The following RFC3 variants were observed in gnomAD, a reference collection of about 807,000 sequenced individuals.
The protein encoded by RFC3 is replication factor C subunit 3.
Under a neutral mutation model 45.1 loss-of-function variants are expected in RFC3, and 41 were observed. The ratio of observed to expected loss-of-function variants is 0.91; its 90% confidence interval spans 0.71 to 1.18. The LOEUF is 1.18. Among genes scored for constraint, RFC3 ranks in the 50% most tolerant of loss-of-function variants. The pLI is 0.00. For missense variants in RFC3, 423 were observed against 428.1 expected (o/e 0.99, Z 0.10); for synonymous variants, 149 against 144.0 (o/e 1.03, Z -0.25).
rs746482817 is a variant in RFC3 at position 33,961,887 on chromosome 13, C to A, written c.880-4200C>A. Among the ~76,000 whole-genome samples the A allele has an allele frequency of 1.4e-4, 21 of 152,148 alleles. 1 individual carries two copies. The highest frequency in any genetic ancestry group is 2.9e-4 in the Non-Finnish European group (20 of 68,020). On this transcript the variant is annotated intron_variant, in intron 8 of 8. Transcript: ENST00000434425. ...TGAATTTGACAGTAAAGATTGATGA[C>A]CTGGCTGACAAATAAAGGCTATACC...
At chr13:33,881,366 C>T (rs978316642) in intron 8 of RFC3, among the ~76,000 whole-genome samples, 2 of 152,146 alleles carry the variant, frequency 1.3e-5, no homozygotes, top group Non-Finnish European at 2.9e-5. Flanking sequence ...GCTCTAAGTC[C>T]ATGGCATTGT....
At chr13:33,931,383 T>C (rs747742483) in intron 8 of RFC3, among the ~76,000 whole-genome samples, 6 of 152,080 alleles carry the variant, frequency 3.9e-5, no homozygotes, top group Non-Finnish European at 8.8e-5. Flanking sequence ...TGTTTCTGTA[T>C]AGGTCTGGTG....
chr13:33,932,904 C>T (rs1186157111), intron 8 of RFC3, among the ~76,000 whole-genome samples: 1 of 152,172 alleles, frequency 6.6e-6, no homozygotes, highest in Admixed American at 6.6e-5. Context: ...TTGGTTGAGA[C>T]TTGTAGGCTG....
At chr13:33,849,819 G>C (rs1213448250) in intron 8 of RFC3, 1 of 152,090 alleles carries the variant, frequency 6.6e-6, no homozygotes, top group South Asian at 2.1e-4. Context: ...AGAGGTTTTA[G>C]TGAGCCGAGA....
intron 8 of RFC3, among the ~76,000 whole-genome samples, chr13:33,865,586 A>G (rs1182526317): frequency 6.6e-6 from 1 of 152,244 alleles, no homozygotes; most frequent in Non-Finnish European, 1.5e-5. Flanking sequence ...CAATGTATTT[A>G]TCAATCAATC....
chr13:33,884,925 C>T (rs2082510245), intron 8 of RFC3, among the ~76,000 whole-genome samples: 1 of 152,196 alleles, frequency 6.6e-6, no homozygotes, highest in Non-Finnish European at 1.5e-5. Flanking sequence ...TTTTCCTATG[C>T]TCCGTTGCTC....
intron 8 of RFC3, among the ~76,000 whole-genome samples, chr13:33,960,330 G>T (rs2083048980): frequency 6.6e-6 from 1 of 152,112 alleles, no homozygotes; most frequent in Non-Finnish European, 1.5e-5. Flanking sequence ...ATATGGCCTT[G>T]GGCACACTCC....
At chr13:33,972,063 C>T in the RFC3 span, among the ~76,000 whole-genome samples, 6 of 152,284 alleles carry the variant, frequency 3.9e-5, no homozygotes, top group Admixed American at 1.3e-4. Flanking sequence ...TGGCAGTGAG[C>T]CGAGATCGCA....
At chr13:33,857,428 CA>C (rs1345228418) in intron 8 of RFC3, among the ~76,000 whole-genome samples, 1 of 152,122 alleles carries the variant, frequency 6.6e-6, no homozygotes, top group Non-Finnish European at 1.5e-5. Flanking sequence ...CTTGGAACCT[CA>C]AGGAAACACA....
rs1360532346 is a variant in RFC3 at position 33,945,323 on chromosome 13, GT to G, written c.880-20762del. On this transcript the variant is annotated intron_variant, in intron 8 of 8. Coordinates refer to the RFC3 transcript ENST00000434425. ...ATATAGTACTTAGCACTTCATACAT[GT>G]TAACTCATGAGACTTCAAAATATCC... 5.3e-5 allele frequency among the ~76,000 whole-genome samples: 8 copies of G among 152,284 alleles called. No homozygotes were observed. The East Asian group carries it at 1.5e-3, about 29-fold the overall frequency.
chr13:33,916,259 C>T (rs1187700263), intron 8 of RFC3, among the ~76,000 whole-genome samples: 1 of 152,122 alleles, frequency 6.6e-6, no homozygotes, highest in East Asian at 1.9e-4. Context: ...CTGCCATAAA[C>T]TGAAAGGTGC....
intron 8 of RFC3, among the ~76,000 whole-genome samples, chr13:33,892,071 A>G (rs567856425): frequency 6.6e-6 from 1 of 152,334 alleles, no homozygotes; most frequent in South Asian, 2.1e-4. Context: ...TAACTATCCA[A>G]GCAAGTCAAA....
At chr13:33,866,209 A>G (rs1398648967) in intron 8 of RFC3, among the ~76,000 whole-genome samples, 1 of 152,204 alleles carries the variant, frequency 6.6e-6, no homozygotes, top group Non-Finnish European at 1.5e-5. Context: ...TTTCACAAAT[A>G]TATTGTTGAG....
chr13:33,836,492 C>A lies in RFC3; in HGVS notation c.*197C>A. The A allele has an allele frequency of 5.3e-6, 7 of 1,322,338 alleles. No homozygotes were observed. The South Asian group carries it at 1.5e-4, about 29-fold the overall frequency. The allele number at this position is 1,322,338 out of a possible 1,614,324, so 81.9% of individuals were successfully genotyped here. A position where few individuals can be genotyped will look rare whatever the true frequency, so the allele number is the denominator to read the frequency against. On this transcript the variant is annotated 3_prime_UTR_variant, in exon 9 of 9. Transcript: ENST00000380071. Reference sequence around the variant, plus strand: ...TACTATTGAAGTATGTAGTTTTGTACATAACTTAGAGACTTTAGAGTCTAA... The same window carrying A: ...TACTATTGAAGTATGTAGTTTTGTAAATAACTTAGAGACTTTAGAGTCTAA...
At chr13:33,899,049 C>T (rs780758128) in intron 8 of RFC3, among the ~76,000 whole-genome samples, 4 of 151,376 alleles carry the variant, frequency 2.6e-5, no homozygotes, top group Non-Finnish European at 5.9e-5. Context: ...GACCTCATGG[C>T]TTCACTGCTG....
intron 8 of RFC3, among the ~76,000 whole-genome samples, chr13:33,924,119 C>T (rs571651708): frequency 5.3e-5 from 8 of 152,226 alleles, no homozygotes; most frequent in South Asian, 4.2e-4. Context: ...AGGAAGTGTG[C>T]TTACAGACCT....
At chr13:33,890,521 C>T (rs1354511165) in intron 8 of RFC3, among the ~76,000 whole-genome samples, 1 of 152,120 alleles carries the variant, frequency 6.6e-6, no homozygotes, top group African/African-American at 2.4e-5. Flanking sequence ...ATCGTATTGA[C>T]CCAGTGTGAT....
chr13:33,964,019 A>T (rs1295691859), intron 8 of RFC3, among the ~76,000 whole-genome samples: 2 of 152,176 alleles, frequency 1.3e-5, no homozygotes, highest in Admixed American at 1.3e-4. Context: ...CGTCCTTCAA[A>T]TGATGAAATC....
chr13:33,895,881 A>G (rs962170904), intron 8 of RFC3, among the ~76,000 whole-genome samples: 2 of 152,186 alleles, frequency 1.3e-5, no homozygotes, highest in African/African-American at 4.8e-5. Flanking sequence ...GCTGGGGGCC[A>G]TTATTCTAAG....
Sources: gnomAD v4.1 joint callset for allele counts (sites outside exome capture counted in the v4.1 genomes callset) on GRCh38, gnomAD v4.1.1 for gene constraint, MANE v1.5 for transcripts, NCBI Gene and HGNC (gene_info 2026-07-23, HGNC 2026-07-21) for gene names.